NAV2: variants seen among roughly 807,000 people sequenced by gnomAD.
NAV2 encodes the protein helicase, APC down-regulated 1.
Under a neutral mutation model 223.2 loss-of-function variants are expected in NAV2, and 54 were observed. The observed-to-expected ratio is 0.24, with a 90% confidence interval of 0.19 to 0.30. The LOEUF (loss-of-function observed/expected upper bound fraction) is 0.30, where lower values mean the gene tolerates loss of function less well. NAV2 is among the 10% of genes least tolerant of loss of function. NAV2 has a pLI of 1.00. For missense variants in NAV2, 2,806 were observed against 3,147.5 expected (o/e 0.89, Z 2.60); for synonymous variants, 1,279 against 1,239.3 (o/e 1.03, Z -0.67).
At chr11:19,627,113 T>A (rs1376599464) in intron 1 of NAV2, among the ~76,000 whole-genome samples, 1 of 151,992 alleles carries the variant, frequency 6.6e-6, no homozygotes, top group Admixed American at 6.6e-5. Context: ...GTGGGCCGGG[T>A]GCGGTGACTC....
intron 1 of NAV2, among the ~76,000 whole-genome samples, chr11:19,393,987 T>A (rs942551366): frequency 2.6e-5 from 4 of 151,552 alleles, no homozygotes; most frequent in Non-Finnish European, 4.4e-5. Context: ...TCTCTTTCCA[T>A]TTGGAAACTG....
chr11:19,822,499 G>A (rs1230639925), intron 1 of NAV2, among the ~76,000 whole-genome samples: 3 of 152,174 alleles, frequency 2.0e-5, no homozygotes, highest in African/African-American at 7.2e-5. Context: ...GTTAGGAGTA[G>A]GGATAGTCCC....
At chr11:19,427,256 C>G (rs1850867943) in intron 1 of NAV2, among the ~76,000 whole-genome samples, 1 of 152,234 alleles carries the variant, frequency 6.6e-6, no homozygotes, top group Admixed American at 6.5e-5. Flanking sequence ...TACTCTCACA[C>G]TTGACGTGGG....
At chr11:20,087,265 G>T (rs966984417) in intron 26 of NAV2, among the ~76,000 whole-genome samples, 1 of 152,186 alleles carries the variant, frequency 6.6e-6, no homozygotes, top group Non-Finnish European at 1.5e-5. Flanking sequence ...TATCCTCCAA[G>T]CCACTTTCCC....
chr11:19,748,476 T>C (rs962077493), intron 1 of NAV2, among the ~76,000 whole-genome samples: 2 of 152,216 alleles, frequency 1.3e-5, no homozygotes, highest in African/African-American at 4.8e-5. Context: ...CTATTTAATC[T>C]TTTTTGAATC....
At chr11:20,114,350 G>A in intron 36 of NAV2, 1 of 565,980 alleles carries the variant, frequency 1.8e-6, no homozygotes. Flanking sequence ...GCTGAGACAT[G>A]AACCTAGATC....
intron 1 of NAV2, among the ~76,000 whole-genome samples, chr11:19,623,738 A>G (rs1235624278): frequency 6.6e-6 from 1 of 151,974 alleles, no homozygotes; most frequent in African/African-American, 2.4e-5. Context: ...GAGAAATTTG[A>G]TTGTCTGAAA....
intron 1 of NAV2, among the ~76,000 whole-genome samples, chr11:19,527,474 T>C (rs1189113105): frequency 2.0e-5 from 3 of 152,152 alleles, no homozygotes; most frequent in Non-Finnish European, 2.9e-5. Flanking sequence ...TCCCAGCCGA[T>C]AGCCACACTC....
At chr11:20,077,097 C>T (rs2153656733) in intron 22 of NAV2, among the ~76,000 whole-genome samples, 1 of 152,228 alleles carries the variant, frequency 6.6e-6, no homozygotes, top group Non-Finnish European at 1.5e-5. Flanking sequence ...AGAAGATCAT[C>T]CTCCATTGTA....
At chr11:19,732,808 T>C (rs1034644509) in intron 1 of NAV2, among the ~76,000 whole-genome samples, 3 of 152,200 alleles carry the variant, frequency 2.0e-5, no homozygotes, top group African/African-American at 7.2e-5. Context: ...CTGCCCAGCC[T>C]CTGCAGGGTC....
At chr11:19,705,385 T>C (rs886137215) in intron 1 of NAV2, among the ~76,000 whole-genome samples, 2 of 152,218 alleles carry the variant, frequency 1.3e-5, no homozygotes, top group Non-Finnish European at 2.9e-5. Flanking sequence ...TTGATACTTA[T>C]CTTTTATTTA....
chr11:19,448,016 G>A (rs1026560160), intron 1 of NAV2, among the ~76,000 whole-genome samples: 1 of 152,162 alleles, frequency 6.6e-6, no homozygotes, highest in Non-Finnish European at 1.5e-5. Flanking sequence ...CCCACCACAA[G>A]TGGTTAAAGG....
chr11:19,821,106 T>TA (rs1414606419), intron 1 of NAV2, among the ~76,000 whole-genome samples: 2 of 151,812 alleles, frequency 1.3e-5, no homozygotes, highest in Admixed American at 1.3e-4. Context: ...ACTAAAAATA[T>TA]AAAAAATTAC....
chr11:19,869,036 A>G (rs1311552333), intron 4 of NAV2, 39 bp downstream of exon 4: 3 of 1,575,880 alleles, frequency 1.9e-6, no homozygotes, highest in East Asian at 2.2e-5. Flanking sequence ...CCTCTTCATC[A>G]TTAGAAATGC....
chr11:19,381,166 C>T (rs1231805803), intron 1 of NAV2, among the ~76,000 whole-genome samples: 1 of 152,114 alleles, frequency 6.6e-6, no homozygotes, highest in African/African-American at 2.4e-5. Flanking sequence ...CTTCACTGAC[C>T]CACCAAAGTT....
intron 1 of NAV2, among the ~76,000 whole-genome samples, chr11:19,757,640 T>C (rs1464023857): frequency 6.6e-6 from 1 of 152,094 alleles, no homozygotes; most frequent in Non-Finnish European, 1.5e-5. Context: ...ATAGGCTGCA[T>C]GGTGTGTGAT....
intron 8 of NAV2, among the ~76,000 whole-genome samples, chr11:19,941,856 C>T (rs1441543676): frequency 2.6e-5 from 4 of 152,082 alleles, no homozygotes; most frequent in Non-Finnish European, 5.9e-5. Flanking sequence ...TTCCAATCAC[C>T]GGATATAATT....
Position 19,998,212 on chromosome 11 carries a change from C to CA in NAV2, c.2768+13968dup, listed in dbSNP as rs545751517. On this transcript the variant is annotated intron_variant, in intron 11 of 37. Transcript: ENST00000349880. The surrounding 1 kb of genome is among the most constrained non-coding windows in gnomAD (Gnocchi z 5.0). ...TTCCTTCCAGTCGGCAAACTCCCCC[C>CA]AAACAGTTTCAAATCTCTCAGCTTC... Among the ~76,000 whole-genome samples the CA allele has an allele frequency of 4.1e-3, 626 of 152,010 alleles. 3 individuals are homozygous for CA. Among genetic ancestry groups the CA allele is most frequent in the Non-Finnish European group, 6.7e-3 (454 of 67,876 alleles).
At chr11:20,048,226 C>T (rs977516989) in intron 14 of NAV2, among the ~76,000 whole-genome samples, 2 of 152,186 alleles carry the variant, frequency 1.3e-5, no homozygotes, top group African/African-American at 4.8e-5. Flanking sequence ...CCTAGGCCCC[C>T]TCCAGATCTA....
Sources: allele counts gnomAD v4.1 joint callset (sites outside exome capture counted in the v4.1 genomes callset), GRCh38; gene constraint gnomAD v4.1.1; non-coding constraint Gnocchi (gnomAD v3.1); transcripts MANE v1.5; gene names NCBI Gene and HGNC (gene_info 2026-07-23, HGNC 2026-07-21).